SPTLC3: variants seen among roughly 807,000 people sequenced by gnomAD.
The protein encoded by SPTLC3 is serine palmitoyltransferase 3.
A neutral mutation model predicts 59.3 loss-of-function variants in SPTLC3; 36 were observed. The observed-to-expected ratio is 0.61, with a 90% CI of 0.47 to 0.80. SPTLC3 has a LOEUF of 0.80. SPTLC3 is among the 30% of genes least tolerant of loss of function. The pLI, the probability that SPTLC3 is intolerant of heterozygous loss-of-function variation, is 0.00. For synonymous variants in SPTLC3, 257 were observed against 240.8 expected (o/e 1.07, Z -0.62); for missense variants, 625 against 685.1 (o/e 0.91, Z 0.98).
At chr20:13,038,079 C>T (rs886850195) in intron 1 of SPTLC3, among the ~76,000 whole-genome samples, 4 of 136,606 alleles carry the variant, frequency 2.9e-5, no homozygotes, top group Non-Finnish European at 6.3e-5. Context: ...TCATTATTAG[C>T]TGTATTCTGT....
chr20:13,032,687 C>T (rs1042916768), intron 1 of SPTLC3, among the ~76,000 whole-genome samples: 9 of 152,158 alleles, frequency 5.9e-5, no homozygotes, highest in Non-Finnish European at 4.4e-5. Flanking sequence ...ACTAAACACT[C>T]TGCTGGGGAC....
At chr20:13,092,236 G>C (rs1321076954) in intron 5 of SPTLC3, among the ~76,000 whole-genome samples, 1 of 152,232 alleles carries the variant, frequency 6.6e-6, no homozygotes, top group African/African-American at 2.4e-5. Context: ...TCAAAGAAAA[G>C]ACCAGAGATG....
At chr20:13,014,345 C>A (rs1985411096) in intron 1 of SPTLC3, among the ~76,000 whole-genome samples, 1 of 152,164 alleles carries the variant, frequency 6.6e-6, no homozygotes, top group African/African-American at 2.4e-5. Context: ...GCTGGGAAGA[C>A]AACTTGCTTC....
chr20:13,160,899 GC>G (rs1343010384), intron 11 of SPTLC3, among the ~76,000 whole-genome samples: 1 of 152,212 alleles, frequency 6.6e-6, no homozygotes, highest in Non-Finnish European at 1.5e-5. Flanking sequence ...AGGGGAGGTG[GC>G]TTTTGAGCCA....
At chr20:13,072,598 A>G (rs1252001257) in intron 3 of SPTLC3, among the ~76,000 whole-genome samples, 188 bp downstream of exon 3, 1 of 152,172 alleles carries the variant, frequency 6.6e-6, no homozygotes, top group African/African-American at 2.4e-5. Flanking sequence ...CAGCTGCCAG[A>G]GTGGCTTTTT....
rs533377069 is a variant in SPTLC3, at chr20:13,050,622, G to A, written c.303+1492G>A. ...TCATCACCAAAAGATCTTCACCTAGGTACACTGTCATCAGGTTATCCAAAG... is the reference window on the plus strand; with the variant it reads ...TCATCACCAAAAGATCTTCACCTAGATACACTGTCATCAGGTTATCCAAAG... On this transcript the variant is annotated intron_variant, in intron 2 of 11. Coordinates refer to ENST00000399002, the MANE Select transcript of SPTLC3 (RefSeq NM_018327.4). The A allele has an allele frequency of 3.9e-5, 6 of 152,180 alleles. No individual in the cohort carries two copies. The South Asian group carries it at 8.3e-4, about 21-fold the overall frequency. The allele number at this position is 152,180 out of a possible 1,614,324, so 9.4% of individuals were successfully genotyped here.
At chr20:13,065,144 G>A (rs1470283894) in intron 2 of SPTLC3, among the ~76,000 whole-genome samples, 11 of 151,806 alleles carry the variant, frequency 7.2e-5, no homozygotes, top group African/African-American at 2.4e-4. Flanking sequence ...TTTGGGGTTT[G>A]ATATTACAAT....
intron 6 of SPTLC3, among the ~76,000 whole-genome samples, chr20:13,102,960 C>T (rs1228214204): frequency 6.6e-6 from 1 of 152,150 alleles, no homozygotes; most frequent in African/African-American, 2.4e-5. Context: ...CCTGCCTCAT[C>T]CATAAGCCCA....
intron 6 of SPTLC3, among the ~76,000 whole-genome samples, chr20:13,100,576 A>C (rs1989566900): frequency 6.6e-6 from 1 of 151,870 alleles, no homozygotes; most frequent in Non-Finnish European, 1.5e-5. Context: ...AAACAATAAC[A>C]ACAACAACAA....
intron 10 of SPTLC3, 126 bp downstream of exon 10, chr20:13,154,264 T>G: frequency 8.1e-7 from 1 of 1,234,346 alleles, no homozygotes; most frequent in Non-Finnish European, 1.1e-6. Flanking sequence ...CTCGTACGGC[T>G]TCTCGGAAGC....
At chr20:13,014,370 C>T (rs928255359) in intron 1 of SPTLC3, among the ~76,000 whole-genome samples, 1 of 152,124 alleles carries the variant, frequency 6.6e-6, no homozygotes, top group African/African-American at 2.4e-5. Context: ...AGGCATTTGA[C>T]CCAAGTCTTG....
rs75199624 is a variant in SPTLC3, at chr20:13,047,799, A to G, written c.118-1146A>G. Among the ~76,000 whole-genome samples, 733 of 152,244 alleles carry G rather than the reference A, an allele frequency of 4.8e-3. 5 individuals are homozygous for G. Among genetic ancestry groups the G allele is most frequent in the African/African-American group, 0.016 (659 of 41,560 alleles). ...TTTCAGACATACAGAAGAGTAGAAA[A>G]AAATAATATCATGAACACCTATATA... On this transcript the variant is annotated intron_variant, in intron 1 of 11. Coordinates refer to ENST00000399002, the MANE Select transcript of SPTLC3 (RefSeq NM_018327.4).
intron 1 of SPTLC3, among the ~76,000 whole-genome samples, chr20:13,036,173 A>C (rs1986725806): frequency 6.6e-6 from 1 of 152,204 alleles, no homozygotes; most frequent in Non-Finnish European, 1.5e-5. Flanking sequence ...TACATGCTAA[A>C]AGTGCATAAT....
chr20:13,040,679 C>T (rs1986941879), intron 1 of SPTLC3, among the ~76,000 whole-genome samples: 1 of 151,100 alleles, frequency 6.6e-6, no homozygotes, highest in Admixed American at 6.6e-5. Flanking sequence ...TTGCCTGTGC[C>T]CCCTTTTTTT....
chr20:13,076,737 T>G (rs867701293), intron 4 of SPTLC3, among the ~76,000 whole-genome samples: 1 of 152,238 alleles, frequency 6.6e-6, no homozygotes, highest in Middle Eastern at 3.4e-3. Context: ...TAAGTTAAAA[T>G]TATTTCAAAG....
In SPTLC3 at chr20:13,046,520, C is replaced by T. The variant is rs117047012; in HGVS notation, c.118-2425C>T. On this transcript the variant is annotated intron_variant, in intron 1 of 11. Transcript: ENST00000399002. The stretch of plus-strand genomic sequence containing the variant: ...GTCTTCCTTCATGAGACTCTGAGTC[C>T]CTTTTGCTAGAGTCTGGACAAATCC... Among the ~76,000 whole-genome samples, 39 of 152,212 alleles carry T rather than the reference C, an allele frequency of 2.6e-4. No individual in the cohort carries two copies. The East Asian group carries it at 6.8e-3, about 26-fold the overall frequency.
At chr20:13,126,504 G>A in intron 8 of SPTLC3, 87 bp from the exon 9 acceptor site, 1 of 1,463,288 alleles carries the variant, frequency 6.8e-7, no homozygotes, top group Non-Finnish European at 9.2e-7. Context: ...CTTTTGCTAT[G>A]AGGATAGGGA....
chr20:13,036,758 G>T (rs1283864443), intron 1 of SPTLC3, among the ~76,000 whole-genome samples: 1 of 152,066 alleles, frequency 6.6e-6, no homozygotes, highest in Non-Finnish European at 1.5e-5. Flanking sequence ...ACTGAGATGA[G>T]TATATCAGTG....
chr20:13,115,846 A>C (rs960286478), intron 7 of SPTLC3, among the ~76,000 whole-genome samples: 3 of 152,168 alleles, frequency 2.0e-5, no homozygotes, highest in African/African-American at 7.2e-5. Flanking sequence ...AGAGGGGCCC[A>C]TCATCCTGTT....
Sources: gnomAD v4.1 joint callset for allele counts (sites outside exome capture counted in the v4.1 genomes callset) on GRCh38, gnomAD v4.1.1 for gene constraint, MANE v1.5 for transcripts, NCBI Gene and HGNC (gene_info 2026-07-23, HGNC 2026-07-21) for gene names.